The following INPP4B variants were observed in gnomAD, a reference collection of about 807,000 sequenced individuals.
The protein encoded by INPP4B is inositol polyphosphate 4-phosphatase type II.
Under a neutral mutation model 122.5 loss-of-function variants are expected in INPP4B, and 55 were observed. The ratio of observed to expected loss-of-function variants is 0.45; its 90% CI spans 0.36 to 0.56. The LOEUF is 0.56. Ranked by LOEUF, INPP4B falls within the 20% of genes least tolerant of loss-of-function variation. INPP4B has a pLI of 0.00. For missense variants in INPP4B, 1,000 were observed against 1,097.7 expected (o/e 0.91, Z 1.26); for synonymous variants, 403 against 388.7 (o/e 1.04, Z -0.43).
intron 25 of INPP4B, among the ~76,000 whole-genome samples, chr4:142,069,080 A>G (rs1333731938): frequency 6.6e-6 from 1 of 152,196 alleles, no homozygotes; most frequent in African/African-American, 2.4e-5. Flanking sequence ...ACAGAGTTGG[A>G]AGTAAAGCAC....
chr4:142,098,896 A>G (rs1221918020), intron 23 of INPP4B, among the ~76,000 whole-genome samples: 1 of 152,118 alleles, frequency 6.6e-6, no homozygotes, highest in African/African-American at 2.4e-5. Flanking sequence ...AGCAGAGTAG[A>G]CATGCATGGA....
chr4:142,658,061 T>G (rs188321140), intron 2 of INPP4B, among the ~76,000 whole-genome samples: 2 of 152,294 alleles, frequency 1.3e-5, no homozygotes, highest in Admixed American at 6.5e-5. Context: ...ATTTCTAAAA[T>G]CCTGATGTCT....
At chr4:142,485,721 A>T (rs1821119801) in intron 2 of INPP4B, among the ~76,000 whole-genome samples, 1 of 152,196 alleles carries the variant, frequency 6.6e-6, no homozygotes, top group African/African-American at 2.4e-5. Flanking sequence ...CTCTTAATCT[A>T]CCATTTAAAA....
chr4:142,345,700 G>T (rs1444900759), intron 7 of INPP4B, among the ~76,000 whole-genome samples: 2 of 150,542 alleles, frequency 1.3e-5, no homozygotes, highest in Non-Finnish European at 3.0e-5. Context: ...TTTTCCAACA[G>T]TCTTCAGAGT....
At chr4:142,595,196 A>T (rs1738439361) in intron 2 of INPP4B, among the ~76,000 whole-genome samples, 1 of 152,050 alleles carries the variant, frequency 6.6e-6, no homozygotes, top group Non-Finnish European at 1.5e-5. Flanking sequence ...AGGGAGGTAG[A>T]TGTTGAGCAT....
intron 2 of INPP4B, among the ~76,000 whole-genome samples, chr4:142,470,600 T>A (rs1818638972): frequency 1.3e-5 from 2 of 152,176 alleles, no homozygotes; most frequent in East Asian, 1.9e-4. Context: ...CACTATACAA[T>A]AATGCTGTTT....
chr4:142,365,596 T>C (rs1787155155), intron 7 of INPP4B, among the ~76,000 whole-genome samples: 1 of 152,142 alleles, frequency 6.6e-6, no homozygotes, highest in African/African-American at 2.4e-5. Flanking sequence ...ATTTCAGACA[T>C]GTGGCTACAT....
chr4:142,746,016 T>C (rs1161833822), intron 1 of INPP4B, among the ~76,000 whole-genome samples: 1 of 151,864 alleles, frequency 6.6e-6, no homozygotes, highest in African/African-American at 2.4e-5. Context: ...GTAATTAATA[T>C]AAGAAGAGAT....
At chr4:142,522,142 T>C (rs978511315) in intron 2 of INPP4B, among the ~76,000 whole-genome samples, 1 of 152,140 alleles carries the variant, frequency 6.6e-6, no homozygotes, top group African/African-American at 2.4e-5. Flanking sequence ...TTACCTTTGA[T>C]TTTATTTACC....
In INPP4B at chr4:142,841,680, TCTC is replaced by T. The variant is rs534466460; in HGVS notation, c.-254+4526_-254+4528del. On this transcript the variant is annotated intron_variant, in intron 1 of 25. Coordinates refer to ENST00000262992, the MANE Select transcript of INPP4B (RefSeq NM_001101669.3). Reference sequence around the variant, plus strand: ...TTGAGAAACATAAAAATCTCGAAGTTCTCCTTCAAAGCTATTTAAAATATATAA... The same window carrying T: ...TTGAGAAACATAAAAATCTCGAAGTTCTTCAAAGCTATTTAAAATATATAA... Among the ~76,000 whole-genome samples the T allele has an allele frequency of 3.3e-3, 498 of 151,980 alleles. 3 individuals carry two copies. Among genetic ancestry groups the T allele is most frequent in the African/African-American group, 0.011 (459 of 41,548 alleles).
At chr4:142,242,318 G>A (rs1859825653) in intron 11 of INPP4B, among the ~76,000 whole-genome samples, 1 of 152,120 alleles carries the variant, frequency 6.6e-6, no homozygotes, top group Admixed American at 6.5e-5. Context: ...AGAAAATACA[G>A]CAAACAGATA....
At chr4:142,075,395 G>T (rs903831042) in intron 25 of INPP4B, among the ~76,000 whole-genome samples, 1 of 151,342 alleles carries the variant, frequency 6.6e-6, no homozygotes, top group South Asian at 2.1e-4. Context: ...TGGGGGCCCC[G>T]GATATGCACT....
chr4:142,694,079 A>T (rs1760641405), intron 2 of INPP4B, among the ~76,000 whole-genome samples: 2 of 152,176 alleles, frequency 1.3e-5, no homozygotes, highest in Admixed American at 6.5e-5. Context: ...AAATTTTTTA[A>T]AAAAGAAAGC....
intron 1 of INPP4B, among the ~76,000 whole-genome samples, chr4:142,763,848 A>T (rs924327425): frequency 2.0e-5 from 3 of 152,178 alleles, no homozygotes; most frequent in African/African-American, 7.2e-5. Flanking sequence ...AAATCAGCAA[A>T]GAAGCAATGT....
chr4:142,268,586 A>C (rs1284525627), intron 10 of INPP4B, among the ~76,000 whole-genome samples: 4 of 152,154 alleles, frequency 2.6e-5, no homozygotes, highest in South Asian at 4.2e-4. Flanking sequence ...CACAATAACT[A>C]AGATGTGGAA....
intron 2 of INPP4B, among the ~76,000 whole-genome samples, chr4:142,493,448 G>A (rs543727820): frequency 1.3e-5 from 2 of 152,318 alleles, no homozygotes; most frequent in East Asian, 1.9e-4. Context: ...AAAGCAGCCA[G>A]TAGGGGAGCT....
chr4:142,086,679 A>G (rs1776970249), intron 23 of INPP4B, among the ~76,000 whole-genome samples: 1 of 152,172 alleles, frequency 6.6e-6, no homozygotes, highest in South Asian at 2.1e-4. Flanking sequence ...ATAACAAGAA[A>G]TATCATTTGA....
chr4:142,113,589 T>G (rs181187385), intron 21 of INPP4B, among the ~76,000 whole-genome samples: 4 of 151,982 alleles, frequency 2.6e-5, no homozygotes, highest in African/African-American at 9.7e-5. Context: ...ACCTATGAAA[T>G]AGAGACCTGG....
At chr4:142,453,261 A>C (rs1814701167) in intron 3 of INPP4B, among the ~76,000 whole-genome samples, 1 of 152,198 alleles carries the variant, frequency 6.6e-6, no homozygotes, top group African/African-American at 2.4e-5. Context: ...CATGTACCCA[A>C]GATGAGTTAA....
Sources: allele counts gnomAD v4.1 joint callset (sites outside exome capture counted in the v4.1 genomes callset), GRCh38; gene constraint gnomAD v4.1.1; transcripts MANE v1.5; gene names NCBI Gene and HGNC (gene_info 2026-07-23, HGNC 2026-07-21).